The following TIAM1 variants were observed in gnomAD, a reference collection of about 807,000 sequenced individuals.
TIAM1 encodes the protein rho guanine nucleotide exchange factor TIAM1.
A neutral mutation model predicts 163.5 loss-of-function variants in TIAM1; 65 were observed. That is an observed-to-expected ratio of 0.40 (90% CI 0.33 to 0.49). The LOEUF (loss-of-function observed/expected upper bound fraction) is 0.49, where lower values mean the gene tolerates loss of function less well. TIAM1 is among the 20% of genes least tolerant of loss of function. The pLI, the probability that TIAM1 is intolerant of heterozygous loss-of-function variation, is 0.77. For missense variants in TIAM1, 1,789 were observed against 2,044.7 expected, an observed-to-expected ratio of 0.87 and a Z score of 2.41; for synonymous variants, 833 against 810.1, an observed-to-expected ratio of 1.03 and a Z score of -0.48.
At chr21:31,347,733 T>C (rs891625283), upstream of TIAM1, among the ~76,000 whole-genome samples, 1 of 152,130 alleles carries the variant, frequency 6.6e-6, no homozygotes, top group Admixed American at 6.5e-5. Flanking sequence ...AAAAGATGCA[T>C]GCACGGACGT....
At chr21:31,550,475 C>T (rs767937751) in intron 1 of TIAM1, among the ~76,000 whole-genome samples, 9 of 151,894 alleles carry the variant, frequency 5.9e-5, no homozygotes, top group African/African-American at 9.7e-5. Flanking sequence ...TAGCCAAGTG[C>T]TGGGAGGAAG....
At chr21:31,499,571 G>T (rs1245639929) in intron 1 of TIAM1, among the ~76,000 whole-genome samples, 1 of 148,574 alleles carries the variant, frequency 6.7e-6, no homozygotes, top group Admixed American at 6.7e-5. Flanking sequence ...AAAAAAAAAC[G>T]CTGAGCACGG....
At chr21:31,555,627 G>A (rs1347602887) in intron 1 of TIAM1, among the ~76,000 whole-genome samples, 2 of 152,062 alleles carry the variant, frequency 1.3e-5, no homozygotes, top group Non-Finnish European at 2.9e-5. Flanking sequence ...TCCTCAAGCA[G>A]ACAGAAGCCC....
In TIAM1 at chr21:31,266,997, G is replaced by C. The variant is rs188559742; in HGVS notation, c.-11-14C>G. Reference sequence around the variant, plus strand: ...TGGTTTTATGGTCTGCAGCAAAGCGGGGGGAAAGGGGAGAATTGAGTCACT... The same window carrying C: ...TGGTTTTATGGTCTGCAGCAAAGCGCGGGGAAAGGGGAGAATTGAGTCACT... On this transcript the variant is annotated splice_polypyrimidine_tract_variant and intron_variant, in intron 3 of 27. Transcript: ENST00000541036. 1 of 1,574,146 alleles carries C rather than the reference G, an allele frequency of 6.4e-7. No individual in the cohort carries two copies.
chr21:31,278,426 G>A (rs193292370), intron 2 of TIAM1, among the ~76,000 whole-genome samples: 8 of 152,268 alleles, frequency 5.3e-5, no homozygotes, highest in African/African-American at 1.7e-4. Flanking sequence ...AAATACTAAG[G>A]CAAGCAAAAG....
At chr21:31,192,237 A>T (rs945017445) in intron 13 of TIAM1, among the ~76,000 whole-genome samples, 10 of 152,198 alleles carry the variant, frequency 6.6e-5, no homozygotes, top group African/African-American at 2.4e-4. Flanking sequence ...CGAGATGAAG[A>T]CTGGTGGCCT....
At chr21:31,279,700 T>C (rs1479858326) in intron 2 of TIAM1, among the ~76,000 whole-genome samples, 1 of 152,212 alleles carries the variant, frequency 6.6e-6, no homozygotes, top group East Asian at 1.9e-4. Flanking sequence ...ATTTGCCTCG[T>C]GCCTATCCCA....
intron 2 of TIAM1, among the ~76,000 whole-genome samples, chr21:31,305,416 T>TAAAA (rs1242158906): frequency 2.0e-4 from 24 of 117,926 alleles, no homozygotes; most frequent in African/African-American, 7.2e-4. Context: ...AACTCTGAAA[T>TAAAA]AAAAATAAAA....
intron 2 of TIAM1, among the ~76,000 whole-genome samples, chr21:31,308,605 G>A (rs143218785): frequency 1.7e-4 from 26 of 152,174 alleles, no homozygotes; most frequent in Non-Finnish European, 2.5e-4. Flanking sequence ...TTGTATGCAC[G>A]CAATAAACGC....
intron 2 of TIAM1, among the ~76,000 whole-genome samples, chr21:31,448,432 C>A (rs573938666): frequency 6.6e-6 from 1 of 152,120 alleles, no homozygotes; most frequent in South Asian, 2.1e-4. Context: ...TGGCAAAACC[C>A]CATCTCTATT....
chr21:31,158,419 C>T (rs1382275250), intron 16 of TIAM1, among the ~76,000 whole-genome samples: 1 of 152,140 alleles, frequency 6.6e-6, no homozygotes, highest in Non-Finnish European at 1.5e-5. Context: ...AGTTTCCCCA[C>T]CGGCAACCCT....
At chr21:31,483,862 C>T (rs7279746) in intron 1 of TIAM1, among the ~76,000 whole-genome samples, 3,128 of 152,056 alleles carry the variant, frequency 0.021, 109 homozygotes, top group African/African-American at 0.071. Context: ...GGGACTGAAC[C>T]AAGTCATTAT....
At chr21:31,326,385 C>T (rs1020621721) in intron 2 of TIAM1, among the ~76,000 whole-genome samples, 3 of 152,128 alleles carry the variant, frequency 2.0e-5, no homozygotes, top group Non-Finnish European at 4.4e-5. Context: ...TCCCCAGTGA[C>T]CAGCTTGGAA....
Position 31,161,974 on chromosome 21 carries a change from T to A in TIAM1, c.2991+2988A>T, listed in dbSNP as rs1051749444. 2.6e-5 allele frequency among the ~76,000 whole-genome samples: 4 copies of A among 152,190 alleles called. No homozygotes were observed. In the South Asian group the frequency reaches 8.3e-4, roughly 32 times the overall value. ...AGAAACATTAAGCATTAGGAAAAAA[T>A]TTAAGTGGTTTATGGCTGTATATAT... On this transcript the variant is annotated intron_variant, in intron 16 of 27. Coordinates refer to ENST00000541036, the MANE Select transcript of TIAM1 (RefSeq NM_001353694.2).
At position 31,489,006 on chromosome 21, in the gene TIAM1, GA is replaced by G. The variant is rs35813534; in HGVS notation, c.-421-24972del. On this transcript the variant is annotated intron_variant, in intron 1 of 28. Coordinates refer to the TIAM1 transcript ENST00000286827. ...CCAAGGAAAATGCATGCTACAATCA[GA>G]AAAAAAAAAATACTTGCCAAGCATA... Among the ~76,000 whole-genome samples the G allele has an allele frequency of 7.9e-4, 117 of 148,574 alleles. 1 individual carries two copies. The East Asian group carries it at 0.021, about 27-fold the overall frequency.
intron 4 of TIAM1, among the ~76,000 whole-genome samples, chr21:31,265,267 C>T (rs2072694440): frequency 7.5e-6 from 1 of 132,670 alleles, no homozygotes; most frequent in African/African-American, 2.8e-5. Context: ...AGCGAAGTCT[C>T]TTAGTTTCCT....
At chr21:31,474,029 G>A (rs2045849857) in intron 1 of TIAM1, among the ~76,000 whole-genome samples, 1 of 152,166 alleles carries the variant, frequency 6.6e-6, no homozygotes. Flanking sequence ...GAGGCAAAGG[G>A]GGAGCAGACA....
intron 2 of TIAM1, among the ~76,000 whole-genome samples, chr21:31,375,572 C>T (rs759216887): frequency 5.3e-5 from 8 of 152,022 alleles, no homozygotes; most frequent in Non-Finnish European, 8.8e-5. Flanking sequence ...TTTTATCACA[C>T]ATATGAAGAT....
intron 8 of TIAM1, among the ~76,000 whole-genome samples, chr21:31,222,132 A>G (rs1283483712): frequency 6.6e-6 from 1 of 152,202 alleles, no homozygotes; most frequent in Non-Finnish European, 1.5e-5. Context: ...GATGATGCTA[A>G]TCTATTTATA....
Sources: gnomAD v4.1 joint callset for allele counts (sites outside exome capture counted in the v4.1 genomes callset) on GRCh38, gnomAD v4.1.1 for gene constraint, MANE v1.5 for transcripts, NCBI Gene and HGNC (gene_info 2026-07-23, HGNC 2026-07-21) for gene names.